PHACTR4: variants seen among roughly 807,000 people sequenced by gnomAD.
PHACTR4 encodes the protein protein phosphatase 1, regulatory subunit 124.
In PHACTR4, 51 loss-of-function variants were observed where a neutral mutation model predicts 72.7. The ratio of observed to expected loss-of-function variants is 0.70; its 90% CI spans 0.56 to 0.89. The LOEUF (loss-of-function observed/expected upper bound fraction) is 0.89. Among genes scored for constraint, PHACTR4 ranks in the 40% least tolerant of loss-of-function variants. The pLI is 0.00. For synonymous variants in PHACTR4, 255 were observed against 302.5 expected, an observed-to-expected ratio of 0.84 and a Z score of 1.63; for missense variants, 731 against 861.8, an observed-to-expected ratio of 0.85 and a Z score of 1.90.
Position 28,411,305 on chromosome 1 carries a change from C to T in PHACTR4, c.16+3842C>T, listed in dbSNP as rs1458144047. 4.6e-5 allele frequency among the ~76,000 whole-genome samples: 7 copies of T among 152,146 alleles called. No individual in the cohort carries two copies. In the South Asian group the frequency reaches 8.3e-4, roughly 18 times the overall value. Reference sequence around the variant, plus strand: ...CAGATGATCCACCTGCCTCGGCCTCCGAAAGTGTTTGGATTACAGGTGTGA... The same window carrying T: ...CAGATGATCCACCTGCCTCGGCCTCTGAAAGTGTTTGGATTACAGGTGTGA... On this transcript the variant is annotated intron_variant, in intron 2 of 13. Coordinates refer to ENST00000373839, the MANE Select transcript of PHACTR4 (RefSeq NM_001048183.3).
chr1:28,379,019 C>T (rs1651923928), intron 1 of PHACTR4, among the ~76,000 whole-genome samples: 1 of 152,128 alleles, frequency 6.6e-6, no homozygotes, highest in African/African-American at 2.4e-5. Context: ...GTGGCACAGT[C>T]ATGGCTCACT....
At chr1:28,431,444 C>T (rs1316985599) in intron 2 of PHACTR4, among the ~76,000 whole-genome samples, 2 of 150,276 alleles carry the variant, frequency 1.3e-5, no homozygotes, top group Admixed American at 6.7e-5. Flanking sequence ...TCACCTGCCT[C>T]GGCCTCCCAA....
intron 8 of PHACTR4, among the ~76,000 whole-genome samples, chr1:28,476,721 T>C (rs1408171878): frequency 6.6e-6 from 1 of 151,184 alleles, no homozygotes; most frequent in African/African-American, 2.4e-5. Flanking sequence ...ATTTTTTGTT[T>C]TGTTTTTTGT....
Position 28,375,101 on chromosome 1 carries a change from C to T in PHACTR4, c.-39+5276C>T, listed in dbSNP as rs1218068880. 3.9e-5 allele frequency among the ~76,000 whole-genome samples: 6 copies of T among 152,094 alleles called. No individual in the cohort carries two copies. The East Asian group carries it at 1.2e-3, about 29-fold the overall frequency. ...ATCACTTGAGGCCAGGAGTTCGAGA[C>T]GAGCCTGGCCAACATGGCGAAACCC... On this transcript the variant is annotated intron_variant, in intron 1 of 13. Coordinates refer to ENST00000373839, the MANE Select transcript of PHACTR4 (RefSeq NM_001048183.3).
At chr1:28,407,335 G>A in intron 1 of PHACTR4, 75 bp from the exon 2 acceptor site, 1 of 707,918 alleles carries the variant, frequency 1.4e-6, no homozygotes, top group South Asian at 2.2e-5. Flanking sequence ...ACTGAATTAG[G>A]ATTATTTTTT....
In PHACTR4 at chr1:28,476,156, G is replaced by A; in HGVS notation, c.1471G>A (p.Glu491Lys). ...GCAAACCTGTCCATCCACATTCAGT[G>A]AAGAAATGACACCTACCTCAGTCAT... The part of the protein sequence containing the change: ...EEQTCPSTFS[E>K]EMTPTSVIPK... The change falls in exon 8 of 14, where the codon GAA becomes AAA. Residue 491 changes from glutamate to lysine, a missense_variant. Physicochemically the swap from Glu to Lys is moderately conservative, Grantham distance 56. Coordinates refer to ENST00000373839, the MANE Select transcript of PHACTR4 (RefSeq NM_001048183.3). The A allele has an allele frequency of 6.2e-7, 1 of 1,606,596 alleles. No individual in the cohort carries two copies.
chr1:28,430,316 G>A (rs1329258497), intron 2 of PHACTR4, among the ~76,000 whole-genome samples: 2 of 152,180 alleles, frequency 1.3e-5, no homozygotes, highest in African/African-American at 2.4e-5. Flanking sequence ...GAGCCACTGC[G>A]CCCGGCCTTC....
At chr1:28,399,313 A>C (rs1478196725) in intron 1 of PHACTR4, among the ~76,000 whole-genome samples, 1 of 152,208 alleles carries the variant, frequency 6.6e-6, no homozygotes, top group Non-Finnish European at 1.5e-5. Context: ...CTCTGTCTCA[A>C]AAAATATATA....
intron 2 of PHACTR4, among the ~76,000 whole-genome samples, chr1:28,424,996 T>C (rs1655749356): frequency 6.6e-6 from 1 of 152,074 alleles, no homozygotes; most frequent in Non-Finnish European, 1.5e-5. Context: ...ATTTTCACTG[T>C]TGGTCAGGCT....
intron 10 of PHACTR4, 65 bp from the exon 11 acceptor site, chr1:28,490,886 A>C: frequency 6.2e-6 from 9 of 1,445,234 alleles, no homozygotes; most frequent in Non-Finnish European, 7.8e-6. Context: ...TGTAATTACT[A>C]AAACGTTTGA....
chr1:28,371,466 T>C (rs1329502792), intron 1 of PHACTR4, among the ~76,000 whole-genome samples: 2 of 151,856 alleles, frequency 1.3e-5, no homozygotes, highest in Non-Finnish European at 2.9e-5. Context: ...AGCTAGTTTT[T>C]GTATTTTTGG....
At chr1:28,377,405 A>T (rs1254123531) in intron 1 of PHACTR4, among the ~76,000 whole-genome samples, 1 of 142,372 alleles carries the variant, frequency 7.0e-6, no homozygotes, top group Non-Finnish European at 1.5e-5. Flanking sequence ...TGCCCTGCTA[A>T]TTTTTTTTTT....
Position 28,484,526 on chromosome 1 carries a change from ATGTG to A in PHACTR4, c.1760+3926_1760+3929del, listed in dbSNP as rs1228863168. On this transcript the variant is annotated intron_variant, in intron 9 of 13. Transcript: ENST00000373839. ...TATATATATGTGTGTATGTGTATAT[ATGTG>A]TGTATGTGTATATATATGTGTGTAT... Among the ~76,000 whole-genome samples, 9 of 151,516 alleles carry A rather than the reference ATGTG, an allele frequency of 5.9e-5. No individual in the cohort carries two copies. The East Asian group carries it at 1.2e-3, about 20-fold the overall frequency.
chr1:28,447,857 C>T (rs966244122), intron 2 of PHACTR4, among the ~76,000 whole-genome samples: 2 of 152,110 alleles, frequency 1.3e-5, no homozygotes, highest in Non-Finnish European at 2.9e-5. Context: ...CTTTCTAATT[C>T]CCAAGGGTCA....
At chr1:28,453,545 G>A (rs761070954) in intron 2 of PHACTR4, 61 of 645,644 alleles carry the variant, frequency 9.4e-5, no homozygotes, top group South Asian at 6.0e-4. Flanking sequence ...GGGAAATGGC[G>A]GCTTCACGAG....
At position 28,440,394 on chromosome 1, in the gene PHACTR4, C is replaced by CT. The variant is rs1223295576; in HGVS notation, c.17-18672dup. 7.5e-3 allele frequency among the ~76,000 whole-genome samples: 620 copies of CT among 83,210 alleles called. 73 individuals carry two copies. Among genetic ancestry groups the CT allele is most frequent in the Non-Finnish European group, 9.0e-3 (402 of 44,646 alleles). 54.6% of individuals were successfully genotyped at this position (83,210 alleles called of 152,430 possible). A position where few individuals can be genotyped will look rare whatever the true frequency, so the allele number is the denominator to read the frequency against. On this transcript the variant is annotated intron_variant, in intron 2 of 13. Coordinates refer to ENST00000373839, the MANE Select transcript of PHACTR4 (RefSeq NM_001048183.3). ...AAAGTAAGAATCAAATTCATCAATT[C>CT]TTTTTTTTTTTTTTTTTTTGAGACG...
At chr1:28,479,976 G>C (rs533385048) in intron 8 of PHACTR4, among the ~76,000 whole-genome samples, 27 of 152,340 alleles carry the variant, frequency 1.8e-4, no homozygotes, top group African/African-American at 6.5e-4. Context: ...AAAGATAAAA[G>C]TGATGTTTTC....
At chr1:28,496,117 C>T (rs1416992459) in intron 13 of PHACTR4, among the ~76,000 whole-genome samples, 1 of 130,478 alleles carries the variant, frequency 7.7e-6, no homozygotes, top group Non-Finnish European at 1.5e-5. Flanking sequence ...AGTGCAGTGG[C>T]GCGATCTCGG....
intron 1 of PHACTR4, among the ~76,000 whole-genome samples, chr1:28,373,296 A>ATT (rs11449923): frequency 2.0e-4 from 30 of 149,286 alleles, no homozygotes; most frequent in African/African-American, 4.9e-4. Context: ...TTTAAACATA[A>ATT]TTTTTTTTTT....
Sources: allele counts gnomAD v4.1 joint callset (sites outside exome capture counted in the v4.1 genomes callset), GRCh38; gene constraint gnomAD v4.1.1; transcripts MANE v1.5; gene names NCBI Gene and HGNC (gene_info 2026-07-23, HGNC 2026-07-21).